Variants in CA8 observed in about 807,000 individuals in gnomAD.
CA8 encodes carbonic anhydrase-related protein.
A neutral mutation model predicts 41.4 loss-of-function variants in CA8; 22 were observed. The ratio of observed to expected loss-of-function variants is 0.53; its 90% CI spans 0.38 to 0.76. CA8 has a LOEUF of 0.76. CA8 is among the 30% of genes least tolerant of loss of function. The pLI, the probability that CA8 is intolerant of heterozygous loss-of-function variation, is 0.00. For missense variants in CA8, 270 were observed against 352.8 expected, an observed-to-expected ratio of 0.77 and a Z score of 1.88; for synonymous variants, 121 against 130.6, an observed-to-expected ratio of 0.93 and a Z score of 0.50.
intron 7 of CA8, among the ~76,000 whole-genome samples, chr8:60,219,210 G>A (rs1243195821): frequency 2.0e-5 from 3 of 150,968 alleles, no homozygotes. Flanking sequence ...CCAGCCTGGA[G>A]TGCAGTGGCA....
chr8:60,245,525 T>C (rs1808198380), intron 3 of CA8, among the ~76,000 whole-genome samples: 1 of 152,248 alleles, frequency 6.6e-6, no homozygotes, highest in Non-Finnish European at 1.5e-5. Context: ...ACATTATTTC[T>C]AGTGCTAATT....
chr8:60,262,851 G>T (rs749198022), intron 3 of CA8, among the ~76,000 whole-genome samples: 3 of 152,214 alleles, frequency 2.0e-5, no homozygotes, highest in African/African-American at 4.8e-5. Context: ...AAACCTACAG[G>T]TATCAAGAAG....
Position 60,188,777 on chromosome 8 carries a change from T to G in CA8, c.*1244A>C, listed in dbSNP as rs933079652. ...AGAATACATGATGAACTTTCTTTGC[T>G]TGAATTTCAGGGATATCTGGTGTGA... On this transcript the variant is annotated 3_prime_UTR_variant, in exon 9 of 9. Transcript: ENST00000317995. The G allele has an allele frequency of 2.6e-5, 4 of 152,196 alleles. No homozygotes were observed. The highest frequency in any genetic ancestry group is 1.3e-4 in the Admixed American group (2 of 15,260). The allele number at this position is 152,196 out of a possible 1,614,324, so 9.4% of individuals were successfully genotyped here.
At chr8:60,223,878 T>C (rs945623954) in intron 6 of CA8, among the ~76,000 whole-genome samples, 1 of 152,192 alleles carries the variant, frequency 6.6e-6, no homozygotes, top group Non-Finnish European at 1.5e-5. Context: ...AAGATCAAAA[T>C]TTTATATACA....
At chr8:60,202,075 G>T (rs541045801) in intron 8 of CA8, among the ~76,000 whole-genome samples, 1 of 148,452 alleles carries the variant, frequency 6.7e-6, no homozygotes, top group Admixed American at 6.7e-5. Context: ...ATGGAGTCTC[G>T]CTCTGTCGCC....
chr8:60,204,057 G>A (rs1194442414), intron 8 of CA8, among the ~76,000 whole-genome samples: 1 of 152,184 alleles, frequency 6.6e-6, no homozygotes, highest in Non-Finnish European at 1.5e-5. Context: ...TAATGCCTTA[G>A]TCTTCCTCAA....
intron 8 of CA8, among the ~76,000 whole-genome samples, chr8:60,205,314 C>G (rs1226336539): frequency 6.6e-6 from 1 of 152,054 alleles, no homozygotes; most frequent in Admixed American, 6.6e-5. Context: ...ATATTTAGGT[C>G]ACAAGCGAGA....
rs1325003041 is a variant in CA8, at chr8:60,226,938, G to GA, written c.514-4dup. On this transcript the variant is annotated splice_region_variant and splice_polypyrimidine_tract_variant and intron_variant, in intron 4 of 8. Transcript: ENST00000317995. ...AAGCCAACATGTTCCTTTCCTATCT[G>GA]AAAAACATAAAGCATAAACCACAAC... 5.0e-6 allele frequency: 8 copies of GA among 1,597,796 alleles called. No homozygotes were observed. Among genetic ancestry groups the GA allele is most frequent in the African/African-American group, 2.7e-5 (2 of 74,460 alleles).
chr8:60,268,385 C>T (rs1464917828), intron 2 of CA8, among the ~76,000 whole-genome samples: 1 of 152,152 alleles, frequency 6.6e-6, no homozygotes, highest in Non-Finnish European at 1.5e-5. Flanking sequence ...AAACAGCAGT[C>T]TACTAAGTAC....
chr8:60,271,691 A>C (rs1804078999), intron 2 of CA8, among the ~76,000 whole-genome samples: 1 of 152,254 alleles, frequency 6.6e-6, no homozygotes, highest in Non-Finnish European at 1.5e-5. Context: ...ATGATGGTTG[A>C]TTAAAAATGT....
At position 60,204,706 on chromosome 8, in the gene CA8, T is replaced by C. The variant is rs375330505; in HGVS notation, c.*35+4044A>G. Among the ~76,000 whole-genome samples, 78 of 152,326 alleles carry C rather than the reference T, an allele frequency of 5.1e-4. 1 individual carries two copies. In the Middle Eastern group the frequency reaches 0.01, roughly 20 times the overall value. ...AGGAAATTCTATGAGATATAATAAA[T>C]AGAAAACAGCTACATCTGTAGAGCC... is the stretch of plus-strand genomic sequence containing the variant. On this transcript the variant is annotated intron_variant, in intron 8 of 8. Transcript: ENST00000317995.
chr8:60,207,834 C>A (rs891066435), intron 8 of CA8, among the ~76,000 whole-genome samples: 8 of 152,144 alleles, frequency 5.3e-5, no homozygotes, highest in Non-Finnish European at 1.2e-4. Flanking sequence ...CAGCTGACTG[C>A]GGCCTCCACC....
At chr8:60,279,104 T>C (rs921368682) in intron 2 of CA8, among the ~76,000 whole-genome samples, 1 of 144,958 alleles carries the variant, frequency 6.9e-6, no homozygotes, top group Non-Finnish European at 1.5e-5. Context: ...AGAAGTTTCA[T>C]GGGATGGAAC....
intron 7 of CA8, among the ~76,000 whole-genome samples, chr8:60,209,438 T>C (rs1563526022): frequency 1.3e-5 from 2 of 151,740 alleles, no homozygotes; most frequent in South Asian, 4.2e-4. Context: ...TGAGCCGAGA[T>C]CACACCGTTG....
At chr8:60,251,992 T>G (rs555169074) in intron 3 of CA8, among the ~76,000 whole-genome samples, 34 of 152,326 alleles carry the variant, frequency 2.2e-4, no homozygotes, top group African/African-American at 8.2e-4. Context: ...ATCAATAAGT[T>G]AAGTCTCTAT....
intron 8 of CA8, among the ~76,000 whole-genome samples, chr8:60,203,590 CTTTA>C (rs561186131): frequency 1.4e-3 from 215 of 152,118 alleles, no homozygotes; most frequent in Non-Finnish European, 2.2e-3. Flanking sequence ...GACATAAAAG[CTTTA>C]TTTGATACTA....
intron 3 of CA8, among the ~76,000 whole-genome samples, chr8:60,236,354 T>C (rs1807830217): frequency 6.6e-6 from 1 of 152,222 alleles, no homozygotes; most frequent in African/African-American, 2.4e-5. Context: ...ATTTCAGATT[T>C]GCCAGCCCCC....
At chr8:60,198,937 A>C (rs1000721506) in intron 8 of CA8, among the ~76,000 whole-genome samples, 8 of 152,128 alleles carry the variant, frequency 5.3e-5, no homozygotes, top group Admixed American at 1.3e-4. Context: ...ATTATTATTT[A>C]AAGAAAAGAT....
At chr8:60,264,434 G>A (rs571128306) in intron 3 of CA8, among the ~76,000 whole-genome samples, 38 of 152,218 alleles carry the variant, frequency 2.5e-4, no homozygotes, top group Non-Finnish European at 4.0e-4. Flanking sequence ...TGTGACCCGC[G>A]ACCCAGTGGG....
Sources: allele counts gnomAD v4.1 joint callset (sites outside exome capture counted in the v4.1 genomes callset), GRCh38; gene constraint gnomAD v4.1.1; transcripts MANE v1.5; gene names NCBI Gene and HGNC (gene_info 2026-07-23, HGNC 2026-07-21).